KNSTRN: variants seen among roughly 807,000 people sequenced by gnomAD.
The protein encoded by KNSTRN is kinetochore localized astrin (SPAG5) binding protein.
KNSTRN carries 38 observed loss-of-function variants against 44.7 expected under a neutral mutation model. That is an observed-to-expected ratio of 0.85 (90% CI 0.66 to 1.11). The LOEUF is 1.11. KNSTRN is among the 50% of genes most tolerant of loss of function. The pLI, the probability that KNSTRN is intolerant of heterozygous loss-of-function variation, is 0.00. For missense variants in KNSTRN, 406 were observed against 375.8 expected, an observed-to-expected ratio of 1.08 and a Z score of -0.66; for synonymous variants, 158 against 148.1, an observed-to-expected ratio of 1.07 and a Z score of -0.48.
chr15:40,382,896 G>A lies in KNSTRN; in HGVS notation c.61G>A (p.Glu21Lys). ...TTTCCGTACAACATGGCTGTCTACA[G>A]AGTGCGATTCCCACCCACTTCCGCC... ...RVFRTTWLST[E>K]CDSHPLPPSY... Residue 21 changes from glutamate to lysine, a missense_variant, in exon 1 of 9, where the codon GAG (glutamate) becomes AAG (lysine). Coordinates refer to ENST00000249776, the MANE Select transcript of KNSTRN (RefSeq NM_033286.4). 3 of 1,612,286 alleles carry A rather than the reference G, an allele frequency of 1.9e-6. No homozygotes were observed. The highest frequency in any genetic ancestry group is 1.1e-5 in the South Asian group (1 of 90,994).
chr15:40,384,052 C>G (rs1360575649), intron 2 of KNSTRN: 3 of 165,578 alleles, frequency 1.8e-5, no homozygotes, highest in African/African-American at 7.2e-5. Context: ...TGATTCCACT[C>G]AGCTGGTACA....
intron 4 of KNSTRN, among the ~76,000 whole-genome samples, chr15:40,388,527 C>T (rs1214961616): frequency 6.6e-6 from 1 of 152,092 alleles, no homozygotes; most frequent in Non-Finnish European, 1.5e-5. Flanking sequence ...TTCACCGTCT[C>T]TACTAAAAAT....
intron 2 of KNSTRN, chr15:40,384,720 G>C (rs1040578418): frequency 3.2e-5 from 8 of 248,572 alleles, no homozygotes; most frequent in African/African-American, 1.6e-4. Context: ...GCGTGGGCTG[G>C]ATAAGTAATA....
At chr15:40,388,694 CA>C (rs56695454) in intron 4 of KNSTRN, among the ~76,000 whole-genome samples, 70,616 of 139,264 alleles carry the variant, frequency 0.51, 16,961 homozygotes, top group East Asian at 0.71. Flanking sequence ...GACTCCATCT[CA>C]AAAAAAAAAA....
rs1206779702 is a variant in KNSTRN at position 40,383,224 on chromosome 15, C to T, written c.210-4C>T. 2 of 1,613,400 alleles carry T rather than the reference C, an allele frequency of 1.2e-6. No homozygotes were observed. Among genetic ancestry groups the T allele is most frequent in the Non-Finnish European group, 1.7e-6 (2 of 1,179,426 alleles). On this transcript the variant is annotated splice_region_variant and splice_polypyrimidine_tract_variant and intron_variant, in intron 1 of 8. Transcript: ENST00000249776. Reference sequence around the variant, plus strand: ...CTGGGTAACATTCATCCTGTACCTTCCAGGGTTCAGCCGTGCCGCCTCGTT... The same window carrying T: ...CTGGGTAACATTCATCCTGTACCTTTCAGGGTTCAGCCGTGCCGCCTCGTT...
chr15:40,391,488 A>G lies in KNSTRN; in HGVS notation c.686-5A>G. The G allele has an allele frequency of 6.2e-7, 1 of 1,613,314 alleles. No homozygotes were observed. The highest frequency in any genetic ancestry group is 8.5e-7 in the Non-Finnish European group (1 of 1,179,316). ...AAGTGAGATTGACTTTGTTGTATCC[A>G]TCAGCTTTAGGCAGTGAGACCCTGG... On this transcript the variant is annotated splice_polypyrimidine_tract_variant and splice_region_variant and intron_variant, in intron 6 of 8. Coordinates refer to ENST00000249776, the MANE Select transcript of KNSTRN (RefSeq NM_033286.4).
intron 6 of KNSTRN, 105 bp from the exon 7 acceptor site, chr15:40,391,388 A>T: frequency 1.1e-6 from 1 of 897,202 alleles, no homozygotes. Flanking sequence ...CTTAAGAGAA[A>T]TTCCCCTCAT....
At chr15:40,391,010 G>A (rs1889987601) in intron 6 of KNSTRN, among the ~76,000 whole-genome samples, 1 of 152,090 alleles carries the variant, frequency 6.6e-6, no homozygotes, top group African/African-American at 2.4e-5. Context: ...GCCCAGGCTG[G>A]CCTCCAACTC....
At chr15:40,384,464 G>A in intron 2 of KNSTRN, 1 of 455,968 alleles carries the variant, frequency 2.2e-6, no homozygotes, top group Non-Finnish European at 4.4e-6. Context: ...CAGAACACCT[G>A]AATGGTAATC....
At chr15:40,392,187 T>G (rs1008186760) in intron 8 of KNSTRN, among the ~76,000 whole-genome samples, 164 bp downstream of exon 8, 11 of 26,090 alleles carry the variant, frequency 4.2e-4, no homozygotes, top group African/African-American at 6.9e-4. Flanking sequence ...TAGTAACGTG[T>G]TTTTTTTTTT....
intron 4 of KNSTRN, chr15:40,389,186 C>T (rs1164899622): frequency 2.1e-6 from 1 of 466,526 alleles, no homozygotes; most frequent in Admixed American, 2.3e-5. Flanking sequence ...GCTCTTGTTG[C>T]CACCCAGGCT....
At chr15:40,388,475 T>C (rs939166773) in intron 4 of KNSTRN, among the ~76,000 whole-genome samples, 1 of 151,810 alleles carries the variant, frequency 6.6e-6, no homozygotes, top group African/African-American at 2.4e-5. Context: ...CCGAGGCGGG[T>C]GGATCTCAAG....
chr15:40,391,425 G>GT, intron 6 of KNSTRN, 68 bp from the exon 7 acceptor site: 1 of 1,240,178 alleles, frequency 8.1e-7, no homozygotes, highest in Non-Finnish European at 1.2e-6. Context: ...GTCCACGGAG[G>GT]GTTTTTATTT....
At chr15:40,384,373 C>CAAA in intron 2 of KNSTRN, 3 of 363,118 alleles carry the variant, frequency 8.3e-6, no homozygotes, top group East Asian at 8.9e-5. Context: ...GACTCCGTCT[C>CAAA]AAAAAAAAAA....
chr15:40,393,246 C>A lies in KNSTRN; in HGVS notation c.823-223C>A, dbSNP rs376425558. The A allele has an allele frequency of 1.3e-4, 217 of 1,613,802 alleles. No individual in the cohort carries two copies. In the African/African-American group the frequency reaches 2.6e-3, roughly 20 times the overall value. On this transcript the variant is annotated intron_variant, in intron 8 of 8. Coordinates refer to ENST00000249776, the MANE Select transcript of KNSTRN (RefSeq NM_033286.4). ...ACCAAATGTAGAGGATTTCATCGTT[C>A]CAGTTTAGATACAGGAGTCTAGTCC...
rs1566921404 is a variant in KNSTRN, at chr15:40,382,860, CT to C, written c.26del (p.Leu9ArgfsTer35). On this transcript the variant is annotated frameshift_variant, in exon 1 of 9. Coordinates refer to ENST00000249776, the MANE Select transcript of KNSTRN (RefSeq NM_033286.4). LOFTEE classifies it high-confidence loss of function. ...TATGGCGGCTCCCGAAGCCCCGCCCCTGGACAGAGTTTTCCGTACAACATGG... is the reference window on the plus strand; with the variant it reads ...TATGGCGGCTCCCGAAGCCCCGCCCCGGACAGAGTTTTCCGTACAACATGG... MAAPEAPP[L>X]DRVFRTTWLS... 4 of 1,611,994 alleles carry C rather than the reference CT, an allele frequency of 2.5e-6. No homozygotes were observed. The highest frequency in any genetic ancestry group is 1.3e-5 in the African/African-American group (1 of 74,988).
intron 6 of KNSTRN, among the ~76,000 whole-genome samples, chr15:40,390,995 A>G (rs555451136): frequency 1.3e-5 from 2 of 152,160 alleles, no homozygotes; most frequent in East Asian, 3.9e-4. Flanking sequence ...GGATCTCGCT[A>G]TGTTGCCCAG....
At chr15:40,391,359 G>A in intron 6 of KNSTRN, 134 bp from the exon 7 acceptor site, 1 of 644,698 alleles carries the variant, frequency 1.6e-6, no homozygotes, top group South Asian at 2.0e-5. Flanking sequence ...AAACTTAGGA[G>A]AAAGTCCAGG....
intron 2 of KNSTRN, chr15:40,384,174 C>A (rs945979987): frequency 3.4e-5 from 8 of 234,056 alleles, no homozygotes; most frequent in Admixed American, 1.1e-4. Flanking sequence ...GAGATGGAGA[C>A]CATCCTGGCT....
Sources: allele counts gnomAD v4.1 joint callset (sites outside exome capture counted in the v4.1 genomes callset), GRCh38; gene constraint gnomAD v4.1.1; transcripts MANE v1.5; gene names NCBI Gene and HGNC (gene_info 2026-07-23, HGNC 2026-07-21).